ANK2: variants seen among roughly 807,000 people sequenced by gnomAD.
ANK2 encodes the protein ankyrin-2.
A neutral mutation model predicts 360.5 loss-of-function variants in ANK2; 83 were observed. That is an observed-to-expected ratio of 0.23 (90% CI 0.19 to 0.28). ANK2 has a LOEUF of 0.28. Ranked by LOEUF, ANK2 falls within the 10% of genes least tolerant of loss-of-function variation. The probability of loss-of-function intolerance (pLI) is 1.00; values close to 1 mark genes in which losing one functional copy is unlikely to be tolerated. For missense variants in ANK2, 4,201 were observed against 4,795.7 expected, an observed-to-expected ratio of 0.88 and a Z score of 3.66; for synonymous variants, 1,740 against 1,759.5, an observed-to-expected ratio of 0.99 and a Z score of 0.28.
chr4:112,761,766 T>C, the ANK2 span, among the ~76,000 whole-genome samples: 1 of 152,240 alleles, frequency 6.6e-6, no homozygotes, highest in Non-Finnish European at 1.5e-5. Flanking sequence ...TCACTTACCA[T>C]ACTCATACTG....
intron 1 of ANK2, among the ~76,000 whole-genome samples, chr4:112,859,990 G>A (rs1233055467): frequency 6.6e-6 from 1 of 152,122 alleles, no homozygotes; most frequent in Non-Finnish European, 1.5e-5. Flanking sequence ...CTAAATAAGG[G>A]GTGTTGTTGC....
intron 2 of ANK2, among the ~76,000 whole-genome samples, chr4:113,177,587 T>TA (rs2098266399): frequency 1.3e-5 from 2 of 152,160 alleles, no homozygotes; most frequent in South Asian, 4.1e-4. Flanking sequence ...AACAAATACA[T>TA]TAATTGTATG....
rs558147082 is a variant in ANK2 at position 113,240,799 on chromosome 4, TATTTCCA to T, written c.792+219_792+225del. 7.7e-3 allele frequency among the ~76,000 whole-genome samples: 1,175 copies of T among 152,348 alleles called. 15 individuals are homozygous for T. The highest frequency in any genetic ancestry group is 0.013 in the Non-Finnish European group (908 of 68,028). ...GAATGTTGTAAACTCATGCAAAAAT[TATTTCCA>T]ATAGTTAAGGATGACATTCATTCTG... On this transcript the variant is annotated intron_variant, in intron 8 of 45. Coordinates refer to ENST00000357077, the MANE Select transcript of ANK2 (RefSeq NM_001148.6).
At chr4:112,785,342 T>C in the ANK2 span, among the ~76,000 whole-genome samples, 55 of 152,046 alleles carry the variant, frequency 3.6e-4, no homozygotes, top group Non-Finnish European at 6.0e-4. Flanking sequence ...GTGGCTTTTT[T>C]TTCTTTTTGT....
At position 112,968,304 on chromosome 4, in the gene ANK2, C is replaced by T. The variant is rs564029689; in HGVS notation, c.21+63790C>T. ...TCTTTCAGATGTTGGGTCTCTGGCT[C>T]GGACATCTGTCACTCCCCATGGACC... On this transcript the variant is annotated intron_variant, in intron 2 of 30. Coordinates refer to the ANK2 transcript ENST00000503271. Among the ~76,000 whole-genome samples, 6 of 152,274 alleles carry T rather than the reference C, an allele frequency of 3.9e-5. No homozygotes were observed. In the East Asian group the frequency reaches 9.6e-4, roughly 24 times the overall value.
Position 113,356,515 on chromosome 4 carries a change from G to T in ANK2, c.7897G>T (p.Asp2633Tyr). The T allele has an allele frequency of 5.0e-6, 8 of 1,614,184 alleles. No individual in the cohort carries two copies. The highest frequency in any genetic ancestry group is 6.8e-6 in the Non-Finnish European group (8 of 1,180,004). The change falls in exon 38 of 46, where the codon GAT becomes TAT. Residue 2633 changes from aspartate to tyrosine, a missense_variant. Coordinates refer to ENST00000357077, the MANE Select transcript of ANK2 (RefSeq NM_001148.6). The stretch of plus-strand genomic sequence containing the variant: ...TGACCCAGATGCTGACTGTTCAGTA[G>T]ATGTGGATGAACCAAAACATACAGG... ...SSDPDADCSV[D>Y]VDEPKHTGSG... is the part of the protein sequence containing the mutation.
At chr4:113,350,132 C>A (rs1420321703) in intron 36 of ANK2, 96 bp from the exon 37 acceptor site, 2 of 1,112,188 alleles carry the variant, frequency 1.8e-6, no homozygotes, top group Non-Finnish European at 2.7e-6. Flanking sequence ...TGTCACCCAA[C>A]ATGTATAATT....
intron 1 of ANK2, among the ~76,000 whole-genome samples, chr4:112,860,194 A>G (rs750569963): frequency 3.9e-5 from 6 of 152,070 alleles, no homozygotes; most frequent in Admixed American, 1.3e-4. Flanking sequence ...ATTTAATGGG[A>G]CCTAAGTTTT....
chr4:113,051,676 C>T (rs866931687), intron 1 of ANK2, among the ~76,000 whole-genome samples: 1 of 152,072 alleles, frequency 6.6e-6, no homozygotes, highest in African/African-American at 2.4e-5. Flanking sequence ...ATACACATCC[C>T]TCAGCTTGCC....
At chr4:113,204,251 T>G (rs1463821761) in intron 4 of ANK2, among the ~76,000 whole-genome samples, 1 of 151,930 alleles carries the variant, frequency 6.6e-6, no homozygotes, top group East Asian at 1.9e-4. Context: ...GTTTATATAA[T>G]GTATATTTTT....
intron 34 of ANK2, among the ~76,000 whole-genome samples, chr4:113,345,121 G>C (rs1254494514): frequency 2.6e-5 from 4 of 152,056 alleles, no homozygotes; most frequent in Admixed American, 2.6e-4. Context: ...TTTAAAAAAG[G>C]AATGAAATTC....
intron 2 of ANK2, among the ~76,000 whole-genome samples, chr4:112,999,107 C>G (rs1441056524): frequency 6.6e-6 from 1 of 152,102 alleles, no homozygotes; most frequent in African/African-American, 2.4e-5. Context: ...ACTTTGTGCC[C>G]TTTTAAATAT....
At chr4:113,341,641 A>G (rs953670302) in intron 32 of ANK2, 47 bp from the exon 33 acceptor site, 58 of 1,585,004 alleles carry the variant, frequency 3.7e-5, no homozygotes, top group Non-Finnish European at 4.4e-5. Flanking sequence ...TATTTTTCAC[A>G]TGGTATACTT....
At chr4:113,232,319 T>C (rs564292879) in intron 5 of ANK2, 60 bp downstream of exon 5, 1 of 1,282,706 alleles carries the variant, frequency 7.8e-7, no homozygotes, top group African/African-American at 1.5e-5. Context: ...ATTCTTTATA[T>C]CAGGCTGCAA....
chr4:113,279,828 C>T (rs1399626937), intron 17 of ANK2, among the ~76,000 whole-genome samples: 1 of 151,622 alleles, frequency 6.6e-6, no homozygotes, highest in African/African-American at 2.4e-5. Flanking sequence ...AAGAGGGTGC[C>T]AAATGTTCAT....
At chr4:113,365,929 C>T (rs555640081) in intron 41 of ANK2, among the ~76,000 whole-genome samples, 5 of 152,240 alleles carry the variant, frequency 3.3e-5, no homozygotes, top group South Asian at 4.1e-4. Context: ...TTTCTAAAGC[C>T]ATCATCTCTT....
At chr4:113,332,203 TC>T in intron 28 of ANK2, 133 bp downstream of exon 28, 1 of 820,686 alleles carries the variant, frequency 1.2e-6, no homozygotes, top group Non-Finnish European at 2.1e-6. Context: ...GTATAACCTA[TC>T]TTTAGTGGAC....
At chr4:112,731,629 G>GCTA in the ANK2 span, among the ~76,000 whole-genome samples, 1 of 150,894 alleles carries the variant, frequency 6.6e-6, no homozygotes, top group Non-Finnish European at 1.5e-5. Flanking sequence ...TATTTCAGAG[G>GCTA]CTGTGAGGTG....
At chr4:112,924,157 C>G (rs1444172003) in intron 2 of ANK2, among the ~76,000 whole-genome samples, 1 of 152,064 alleles carries the variant, frequency 6.6e-6, no homozygotes, top group African/African-American at 2.4e-5. Flanking sequence ...ATCACGAGGT[C>G]AGGAGTTCAA....
Sources: gnomAD v4.1 joint callset for allele counts (sites outside exome capture counted in the v4.1 genomes callset) on GRCh38, gnomAD v4.1.1 for gene constraint, MANE v1.5 for transcripts, NCBI Gene and HGNC (gene_info 2026-07-23, HGNC 2026-07-21) for gene names.